Variants in SLC8A1 observed in about 807,000 individuals in gnomAD.
The protein encoded by SLC8A1 is solute carrier family 8 member A1, also known as sodium/calcium exchanger 1.
A neutral mutation model predicts 68.3 loss-of-function variants in SLC8A1; 18 were observed. The ratio of observed to expected loss-of-function variants is 0.26; its 90% CI spans 0.18 to 0.39. The LOEUF (loss-of-function observed/expected upper bound fraction) is 0.39. Among genes scored for constraint, SLC8A1 ranks in the 10% least tolerant of loss-of-function variants. The pLI is 1.00. For synonymous variants in SLC8A1, 475 were observed against 415.5 expected, an observed-to-expected ratio of 1.14 and a Z score of -1.74; for missense variants, 985 against 1,156.7, an observed-to-expected ratio of 0.85 and a Z score of 2.15.
chr2:40,130,483 A>G (rs2039100725), intron 7 of SLC8A1, among the ~76,000 whole-genome samples: 1 of 152,224 alleles, frequency 6.6e-6, no homozygotes, highest in Non-Finnish European at 1.5e-5. Flanking sequence ...AAGCCATTTG[A>G]GTGATTAGGG....
At chr2:40,371,927 C>A (rs578261282) in intron 2 of SLC8A1, among the ~76,000 whole-genome samples, 1 of 152,164 alleles carries the variant, frequency 6.6e-6, no homozygotes, top group South Asian at 2.1e-4. Flanking sequence ...AGACAAAAAA[C>A]CAGGACTATA....
intron 2 of SLC8A1, among the ~76,000 whole-genome samples, chr2:40,410,460 A>G (rs930187268): frequency 1.3e-5 from 2 of 152,156 alleles, no homozygotes; most frequent in African/African-American, 2.4e-5. Context: ...ACTACAGGAA[A>G]GAAGAAAACT....
In SLC8A1 at chr2:40,244,509, G is replaced by A. The variant is rs923598970; in HGVS notation, c.1809-66654C>T. ...CATGTTTTTCCCTGGCAGTTGCTGT[G>A]AGAGAATGTTGTTTTTGGAGCTGAG... On this transcript the variant is annotated intron_variant, in intron 2 of 7. Transcript: ENST00000406785. Among the ~76,000 whole-genome samples the A allele has an allele frequency of 2.0e-5, 3 of 148,288 alleles. No individual in the cohort carries two copies. The Admixed American group carries it at 2.0e-4, about 10-fold the overall frequency.
intron 2 of SLC8A1, among the ~76,000 whole-genome samples, chr2:40,381,899 G>T (rs1681931994): frequency 6.6e-6 from 1 of 151,674 alleles, no homozygotes; most frequent in Non-Finnish European, 1.5e-5. Context: ...CCTAATTCCT[G>T]TTCTCCTCAT....
chr2:40,141,376 G>A (rs558065981), intron 6 of SLC8A1, among the ~76,000 whole-genome samples: 32 of 152,322 alleles, frequency 2.1e-4, no homozygotes, highest in Non-Finnish European at 3.5e-4. Context: ...CAGGAAAAGA[G>A]AAGAGGCAAT....
intron 2 of SLC8A1, among the ~76,000 whole-genome samples, chr2:40,419,465 G>C (rs1694852241): frequency 6.6e-6 from 1 of 152,024 alleles, no homozygotes; most frequent in African/African-American, 2.4e-5. Flanking sequence ...CCCTCTGTCT[G>C]TCTCCTTTCT....
At chr2:40,340,469 G>A (rs1367023745) in intron 2 of SLC8A1, among the ~76,000 whole-genome samples, 1 of 152,190 alleles carries the variant, frequency 6.6e-6, no homozygotes, top group African/African-American at 2.4e-5. Flanking sequence ...GCTGAGGCAG[G>A]AGAATCACTT....
At chr2:40,223,327 G>A (rs935164567) in intron 2 of SLC8A1, among the ~76,000 whole-genome samples, 6 of 152,090 alleles carry the variant, frequency 3.9e-5, no homozygotes, top group Admixed American at 2.6e-4. Context: ...GAGAACACAT[G>A]GACACAGGGA....
At chr2:40,399,106 A>G (rs914977448) in intron 2 of SLC8A1, among the ~76,000 whole-genome samples, 7 of 152,232 alleles carry the variant, frequency 4.6e-5, no homozygotes, top group African/African-American at 1.7e-4. Flanking sequence ...TCATGGTCAT[A>G]TAAGAGGAAA....
chr2:40,299,894 G>C (rs75741487), intron 2 of SLC8A1, among the ~76,000 whole-genome samples: 9 of 152,298 alleles, frequency 5.9e-5, no homozygotes, highest in African/African-American at 1.7e-4. Flanking sequence ...ATCTCCAGAA[G>C]AATCTCCCTA....
chr2:40,327,102 T>C (rs1362542855), intron 2 of SLC8A1, among the ~76,000 whole-genome samples: 2 of 152,244 alleles, frequency 1.3e-5, no homozygotes, highest in African/African-American at 2.4e-5. Flanking sequence ...TTAAATTATA[T>C]AATTTTAATT....
chr2:40,275,611 G>C (rs114444581), intron 2 of SLC8A1, among the ~76,000 whole-genome samples: 1 of 152,148 alleles, frequency 6.6e-6, no homozygotes, highest in Non-Finnish European at 1.5e-5. Context: ...GGTTTTACAT[G>C]AGCTTGAGTA....
chr2:40,315,493 G>C (rs2074321520), intron 2 of SLC8A1, among the ~76,000 whole-genome samples: 2 of 114,610 alleles, frequency 1.7e-5, no homozygotes, highest in African/African-American at 6.5e-5. Context: ...AACTGCTTTT[G>C]TATCTATATT....
At chr2:40,232,309 T>G (rs988268905) in intron 2 of SLC8A1, among the ~76,000 whole-genome samples, 1 of 152,102 alleles carries the variant, frequency 6.6e-6, no homozygotes, top group Non-Finnish European at 1.5e-5. Context: ...AGGTGTGTCA[T>G]CTTTTGGTTG....
At chr2:40,428,391 A>T in intron 2 of SLC8A1, 82 bp downstream of exon 2, 4 of 1,422,696 alleles carry the variant, frequency 2.8e-6, no homozygotes, top group Non-Finnish European at 3.7e-6. Context: ...TTAAAAAATG[A>T]TGCACAGACT....
intron 2 of SLC8A1, among the ~76,000 whole-genome samples, chr2:40,266,430 G>T (rs1238606921): frequency 6.6e-6 from 1 of 152,126 alleles, no homozygotes; most frequent in Non-Finnish European, 1.5e-5. Flanking sequence ...TGCATCTTGT[G>T]ATCATTAAGG....
intron 1 of SLC8A1, among the ~76,000 whole-genome samples, chr2:40,490,829 A>G (rs1371990442): frequency 6.6e-6 from 1 of 152,138 alleles, no homozygotes; most frequent in Non-Finnish European, 1.5e-5. Flanking sequence ...ATCCAGTTGG[A>G]ACATACGGGA....
chr2:40,109,138 T>A lies in SLC8A1; in HGVS notation c.*6115A>T, dbSNP rs1055418968. ...ATCTTAACTGTCAAAGTAGACAGAT[T>A]AACAGTGAAGTTAGCTAATTTCTCT... is the stretch of plus-strand genomic sequence containing the variant. On this transcript the variant is annotated 3_prime_UTR_variant, in exon 8 of 8. Coordinates refer to ENST00000406785, the Ensembl canonical transcript of SLC8A1. The A allele has an allele frequency of 2.0e-5, 3 of 152,320 alleles. No homozygotes were observed. The East Asian group carries it at 5.8e-4, about 29-fold the overall frequency. 9.4% of individuals were successfully genotyped at this position (152,320 alleles called of 1,614,324 possible).
chr2:40,343,677 T>A (rs947695997), intron 2 of SLC8A1, among the ~76,000 whole-genome samples: 2 of 152,150 alleles, frequency 1.3e-5, no homozygotes, highest in Non-Finnish European at 2.9e-5. Flanking sequence ...TATTATAAAT[T>A]AAATATAGAC....
Sources: gnomAD v4.1 joint callset for allele counts (sites outside exome capture counted in the v4.1 genomes callset) on GRCh38, gnomAD v4.1.1 for gene constraint, MANE v1.5 for transcripts, NCBI Gene and HGNC (gene_info 2026-07-23, HGNC 2026-07-21) for gene names.